CCDC171: variants seen among roughly 807,000 people sequenced by gnomAD.
CCDC171 encodes coiled-coil domain-containing protein 171.
CCDC171 carries 177 observed loss-of-function variants against 168.2 expected under a neutral mutation model. That is an observed-to-expected ratio of 1.05 (90% CI 0.93 to 1.19). CCDC171 has a LOEUF of 1.19. CCDC171 is among the 50% of genes most tolerant of loss of function. The pLI is 0.00. For missense variants in CCDC171, 1,991 were observed against 1,539.0 expected (o/e 1.29, Z -4.91); for synonymous variants, 687 against 540.8 (o/e 1.27, Z -3.75).
chr9:15,926,970 T>C (rs1825964735), intron 25 of CCDC171, among the ~76,000 whole-genome samples: 1 of 151,646 alleles, frequency 6.6e-6, no homozygotes, highest in Admixed American at 6.6e-5. Context: ...ATTTAATGAA[T>C]CAAGGCAGCC....
intron 3 of CCDC171, among the ~76,000 whole-genome samples, chr9:15,992,855 G>C (rs1832244931): frequency 6.6e-6 from 1 of 152,122 alleles, no homozygotes; most frequent in African/African-American, 2.4e-5. Flanking sequence ...TTGCTTCAAA[G>C]AGAATAAAAT....
chr9:15,863,832 T>C (rs1161904524), intron 23 of CCDC171, among the ~76,000 whole-genome samples: 1 of 152,074 alleles, frequency 6.6e-6, no homozygotes, highest in African/African-American at 2.4e-5. Flanking sequence ...TTGAAAATTA[T>C]AATCTGACAA....
intron 10 of CCDC171, among the ~76,000 whole-genome samples, chr9:15,684,288 G>T (rs893676337): frequency 5.3e-5 from 8 of 151,750 alleles, no homozygotes; most frequent in African/African-American, 1.9e-4. Context: ...GAAATTATAA[G>T]AACTATATAT....
chr9:15,569,206 C>T (rs955408323), intron 2 of CCDC171, among the ~76,000 whole-genome samples: 2 of 152,058 alleles, frequency 1.3e-5, no homozygotes, highest in African/African-American at 4.8e-5. Flanking sequence ...GGATTTGTTT[C>T]TGTAATAGTT....
At chr9:15,882,388 G>T (rs1435272500) in intron 24 of CCDC171, among the ~76,000 whole-genome samples, 1 of 152,118 alleles carries the variant, frequency 6.6e-6, no homozygotes. Flanking sequence ...CATGCTGTGG[G>T]TTGTCTCTTC....
At chr9:16,023,161 G>C (rs1165336755) in intron 6 of CCDC171, among the ~76,000 whole-genome samples, 1 of 151,686 alleles carries the variant, frequency 6.6e-6, no homozygotes, top group African/African-American at 2.4e-5. Context: ...TGGCGCGATC[G>C]GGTTCATTGT....
intron 21 of CCDC171, among the ~76,000 whole-genome samples, chr9:15,830,145 G>A (rs1169163050): frequency 6.6e-6 from 1 of 152,074 alleles, no homozygotes; most frequent in Admixed American, 6.5e-5. Context: ...AGATAGCTTT[G>A]TATTTTCCTA....
chr9:15,691,540 T>TGA (rs1455120418), intron 10 of CCDC171, among the ~76,000 whole-genome samples: 13 of 8,684 alleles, frequency 1.5e-3, no homozygotes, highest in Non-Finnish European at 2.7e-3. Flanking sequence ...TGTAAATATA[T>TGA]GTTTTTTATA....
chr9:15,908,255 C>G (rs1365984907), intron 24 of CCDC171, among the ~76,000 whole-genome samples: 5 of 152,152 alleles, frequency 3.3e-5, no homozygotes, highest in Admixed American at 6.5e-5. Context: ...GGAACTAACC[C>G]AAATGTCCAA....
At chr9:15,637,084 C>T (rs533627205) in intron 7 of CCDC171, among the ~76,000 whole-genome samples, 1 of 152,010 alleles carries the variant, frequency 6.6e-6, no homozygotes, top group African/African-American at 2.4e-5. Flanking sequence ...GGTGAAACCC[C>T]ATCTCTATTA....
At chr9:15,605,930 T>G (rs1269021405) in intron 6 of CCDC171, among the ~76,000 whole-genome samples, 1 of 152,194 alleles carries the variant, frequency 6.6e-6, no homozygotes, top group Non-Finnish European at 1.5e-5. Context: ...ACTGTAGCCT[T>G]TCCCTTACCT....
intron 21 of CCDC171, among the ~76,000 whole-genome samples, chr9:15,793,730 A>T (rs939391890): frequency 6.6e-6 from 1 of 151,534 alleles, no homozygotes; most frequent in South Asian, 2.1e-4. Context: ...TTATATTTTT[A>T]TTAGGACAGT....
chr9:15,824,962 T>A (rs2136157298), intron 21 of CCDC171, among the ~76,000 whole-genome samples: 1 of 152,226 alleles, frequency 6.6e-6, no homozygotes, highest in Non-Finnish European at 1.5e-5. Context: ...ATGATGGTGA[T>A]GCATTTATTT....
intron 1 of CCDC171, among the ~76,000 whole-genome samples, chr9:15,554,021 C>A (rs536462234): frequency 7.9e-6 from 1 of 127,054 alleles, no homozygotes; most frequent in East Asian, 2.6e-4. Flanking sequence ...ACGATTTTGT[C>A]ACTTTTTTTT....
chr9:15,711,287 A>T (rs1273468609), intron 11 of CCDC171, among the ~76,000 whole-genome samples: 1 of 152,174 alleles, frequency 6.6e-6, no homozygotes, highest in Admixed American at 6.5e-5. Flanking sequence ...TTTCTTTAAA[A>T]TTGTATATTT....
At chr9:15,668,245 A>C (rs1053121339) in intron 9 of CCDC171, among the ~76,000 whole-genome samples, 2 of 152,160 alleles carry the variant, frequency 1.3e-5, no homozygotes, top group African/African-American at 4.8e-5. Context: ...ATGTTGAAGA[A>C]GAGAGTCTTA....
intron 24 of CCDC171, among the ~76,000 whole-genome samples, chr9:15,880,626 GTT>G (rs57349228): frequency 0.01 from 1,200 of 116,026 alleles, 9 homozygotes; most frequent in African/African-American, 0.035. Flanking sequence ...CCGCCTAATT[GTT>G]TTTTTTTTTT....
intron 9 of CCDC171, among the ~76,000 whole-genome samples, chr9:15,669,438 A>G (rs2048956458): frequency 6.6e-6 from 1 of 152,188 alleles, no homozygotes; most frequent in African/African-American, 2.4e-5. Context: ...TGGGCTATCC[A>G]TTAACTCAGG....
intron 7 of CCDC171, among the ~76,000 whole-genome samples, chr9:15,641,404 C>G (rs928880362): frequency 1.3e-5 from 2 of 152,124 alleles, no homozygotes; most frequent in Admixed American, 6.6e-5. Flanking sequence ...TTGGGGATAA[C>G]AGAATGTAGT....
Sources: gnomAD v4.1 joint callset for allele counts (sites outside exome capture counted in the v4.1 genomes callset) on GRCh38, gnomAD v4.1.1 for gene constraint, MANE v1.5 for transcripts, NCBI Gene and HGNC (gene_info 2026-07-23, HGNC 2026-07-21) for gene names.